The following CFAP74 variants were observed in gnomAD, a reference collection of about 807,000 sequenced individuals.
CFAP74 encodes the protein cilia- and flagella-associated protein 74.
In CFAP74, 124 loss-of-function variants were observed where a neutral mutation model predicts 188.9. The observed-to-expected ratio is 0.66, with a 90% confidence interval of 0.57 to 0.76. CFAP74 has a LOEUF of 0.76. Among genes scored for constraint, CFAP74 ranks in the 30% least tolerant of loss-of-function variants. CFAP74 has a pLI of 0.00. For synonymous variants in CFAP74, 956 were observed against 916.7 expected, an observed-to-expected ratio of 1.04 and a Z score of -0.77; for missense variants, 2,198 against 2,165.2, an observed-to-expected ratio of 1.02 and a Z score of -0.30.
chr1:1,977,342 C>T (rs552130401), intron 6 of CFAP74, among the ~76,000 whole-genome samples: 6 of 152,258 alleles, frequency 3.9e-5, no homozygotes, highest in Admixed American at 3.3e-4. Flanking sequence ...CACATCTGAG[C>T]GAGTGCCCCA....
chr1:1,923,065 C>T lies in CFAP74; in HGVS notation c.4603G>A (p.Asp1535Asn). 6.2e-7 allele frequency: 1 copy of T among 1,609,632 alleles called. No individual in the cohort carries two copies. Among genetic ancestry groups the T allele is most frequent in the Non-Finnish European group, 8.5e-7 (1 of 1,179,102 alleles). Reference protein sequence around the residue: ...ILVTLDYIQFDTDTPAPPATR... With the variant: ...ILVTLDYIQFNTDTPAPPATR... ...GCAGGTGGGGCTGGCGTGTCTGTGTCAAACTGGATGTAGTCCAGGGTCACC... is the reference window on the plus strand; with the variant it reads ...GCAGGTGGGGCTGGCGTGTCTGTGTTAAACTGGATGTAGTCCAGGGTCACC... Residue 1535 changes from aspartate (D) to asparagine (N), a missense_variant, in exon 37 of 39, where the codon GAC becomes AAC. By Grantham distance (23) the Asp-to-Asn change is conservative. Coordinates refer to ENST00000682832, the MANE Select transcript of CFAP74 (RefSeq NM_001304360.2). The surrounding 1 kb of genome is among the most constrained non-coding windows in gnomAD (Gnocchi z 6.3).
intron 9 of CFAP74, 133 bp from the exon 10 acceptor site, chr1:1,970,949 G>C (rs989864864): frequency 9.4e-7 from 1 of 1,060,956 alleles, no homozygotes; most frequent in Admixed American, 2.1e-5. Flanking sequence ...ATGCACACCT[G>C]CACATGCACA....
At chr1:1,969,933 C>T (rs548480267) in intron 10 of CFAP74, among the ~76,000 whole-genome samples, 7 of 152,216 alleles carry the variant, frequency 4.6e-5, no homozygotes, top group South Asian at 2.1e-4. Context: ...AGGGCAGCTT[C>T]GGGCAAAACC....
chr1:1,925,075 G>GGCATGAGGGCACACACTGGTGCGA (rs1651758241), intron 33 of CFAP74, among the ~76,000 whole-genome samples: 1 of 142,886 alleles, frequency 7.0e-6, no homozygotes, highest in African/African-American at 2.6e-5. Flanking sequence ...CACTGGTGCG[G>GGCATGAGGGCACACACTGGTGCGA]AGGCATGAGG....
chr1:1,956,495 C>A lies in CFAP74; in HGVS notation c.2016+125G>T, dbSNP rs566517909. 1.6e-5 allele frequency: 19 copies of A among 1,177,042 alleles called. 1 individual carries two copies. The African/African-American group carries it at 2.7e-4, about 17-fold the overall frequency. The allele number at this position is 1,177,042 out of a possible 1,614,324, so 72.9% of individuals were successfully genotyped here. A position where few individuals can be genotyped will look rare whatever the true frequency, so the allele number is the denominator to read the frequency against. On this transcript the variant is annotated intron_variant, in intron 17 of 38. Transcript: ENST00000682832. ...GCTTAGGCTGATTTGAGGAGGCCCC[C>A]ACACTGCCCTCCTTCTCCCAGGCCC...
chr1:1,977,229 G>A (rs1322373777), intron 6 of CFAP74, among the ~76,000 whole-genome samples: 1 of 152,202 alleles, frequency 6.6e-6, no homozygotes, highest in Non-Finnish European at 1.5e-5. Flanking sequence ...TTGAGTTCCA[G>A]CAGACCAATT....
chr1:1,968,811 G>A lies in CFAP74; in HGVS notation c.1069C>T (p.Leu357Phe), dbSNP rs1413083487. 6.2e-7 allele frequency: 1 copy of A among 1,614,030 alleles called. No individual in the cohort carries two copies. The highest frequency in any genetic ancestry group is 1.7e-5 in the Admixed American group (1 of 60,010). ...CGACTGATGATCTCCTGCTTTCTGAGCTTCTGCTCCTCCTCAAAGGCCCTG... is the reference window on the plus strand; with the variant it reads ...CGACTGATGATCTCCTGCTTTCTGAACTTCTGCTCCTCCTCAAAGGCCCTG... ...QKRAFEEEQKLRKQEIISRIL... is the reference protein window; with the variant it reads ...QKRAFEEEQKFRKQEIISRIL... Residue 357 changes from leucine (L) to phenylalanine (F), a missense_variant, in exon 11 of 39, where the codon CTC (leucine) becomes TTC (phenylalanine). Physicochemically the swap from Leu to Phe is conservative, Grantham distance 22. Coordinates refer to ENST00000682832, the MANE Select transcript of CFAP74 (RefSeq NM_001304360.2). This position sits in a 1 kb window ranked among gnomAD's most constrained non-coding sequence, Gnocchi z 4.3.
Position 1,972,926 on chromosome 1 carries a change from G to A in CFAP74, c.785+11C>T, listed in dbSNP as rs1402851693. 1.3e-6 allele frequency: 2 copies of A among 1,586,022 alleles called. No homozygotes were observed. The highest frequency in any genetic ancestry group is 1.7e-6 in the Non-Finnish European group (2 of 1,154,680). ...GGGTTTCTCCTTAAGGACGTCGAAG[G>A]GAGGCCCTACCTTCCCAGGGAGGCC... On this transcript the variant is annotated intron_variant, in intron 8 of 38. Coordinates refer to ENST00000682832, the MANE Select transcript of CFAP74 (RefSeq NM_001304360.2).
At position 1,923,677 on chromosome 1, in the gene CFAP74, A is replaced by AGGG. The variant is rs1410725512; in HGVS notation, c.4389+97_4389+98insCCC. On this transcript the variant is annotated intron_variant, in intron 35 of 38. Coordinates refer to ENST00000682832, the MANE Select transcript of CFAP74 (RefSeq NM_001304360.2). This position sits in a 1 kb window ranked among gnomAD's most constrained non-coding sequence, Gnocchi z 6.3. ...TGGTGCTGAGTCCCCCAGCCATGGTACCCTCAGGGCCTCCAAAGTGGAGCA... is the reference window on the plus strand; with the variant it reads ...TGGTGCTGAGTCCCCCAGCCATGGTAGGGCCCTCAGGGCCTCCAAAGTGGAGCA... The AGGG allele has an allele frequency of 4.5e-6, 7 of 1,569,518 alleles. No individual in the cohort carries two copies. The highest frequency in any genetic ancestry group is 2.7e-5 in the African/African-American group (2 of 73,648).
intron 6 of CFAP74, among the ~76,000 whole-genome samples, chr1:1,980,474 C>T (rs1422476255): frequency 2.7e-5 from 4 of 146,576 alleles, no homozygotes; most frequent in African/African-American, 5.2e-5. Flanking sequence ...TCTAAGCCAC[C>T]GGCACAGATC....
intron 8 of CFAP74, among the ~76,000 whole-genome samples, 159 bp downstream of exon 8, chr1:1,972,778 G>A (rs958730411): frequency 6.6e-5 from 10 of 152,214 alleles, no homozygotes; most frequent in Admixed American, 2.6e-4. Flanking sequence ...CCCGGGAGGC[G>A]GAGCAGTGAG....
At chr1:1,959,529 G>A (rs889703277) in intron 15 of CFAP74, among the ~76,000 whole-genome samples, 1 of 152,190 alleles carries the variant, frequency 6.6e-6, no homozygotes, top group Non-Finnish European at 1.5e-5. Flanking sequence ...GCCTCCCAAA[G>A]TGCTGGGATT....
In CFAP74 at chr1:1,923,255, G is replaced by A; in HGVS notation, c.4523-110C>T. 2 of 1,493,510 alleles carry A rather than the reference G, an allele frequency of 1.3e-6. No homozygotes were observed. Among genetic ancestry groups the A allele is most frequent in the South Asian group, 1.3e-5 (1 of 79,020 alleles). The allele number at this position is 1,493,510 out of a possible 1,614,324, so 92.5% of individuals were successfully genotyped here. ...GCAGTGGCTGTCCTGCTTGGCTCTG[G>A]GGTAGAAGGCTGGGAATCCCTGCCC... On this transcript the variant is annotated intron_variant, in intron 36 of 38. Coordinates refer to ENST00000682832, the MANE Select transcript of CFAP74 (RefSeq NM_001304360.2). This position sits in a 1 kb window ranked among gnomAD's most constrained non-coding sequence, Gnocchi z 6.3.
intron 18 of CFAP74, among the ~76,000 whole-genome samples, chr1:1,948,942 T>TCTTCCCTTC (rs879446867): frequency 2.9e-5 from 1 of 34,356 alleles, no homozygotes; most frequent in African/African-American, 6.9e-5. Context: ...TTTCCTCCCT[T>TCTTCCCTTC]CCTTTCCCTC....
chr1:1,963,997 T>C, intron 13 of CFAP74, 130 bp from the exon 14 acceptor site: 2 of 692,172 alleles, frequency 2.9e-6, no homozygotes, highest in Non-Finnish European at 2.6e-6. Context: ...CAGGGAACAA[T>C]TTCCAAGGTT....
At chr1:1,971,863 G>T in intron 9 of CFAP74, 117 bp downstream of exon 9, 1 of 753,568 alleles carries the variant, frequency 1.3e-6, no homozygotes, top group South Asian at 1.6e-5. Flanking sequence ...GTCACCAAGT[G>T]CGCGGGTCAG....
intron 18 of CFAP74, among the ~76,000 whole-genome samples, chr1:1,947,989 C>T (rs1268827876): frequency 1.3e-5 from 2 of 152,176 alleles, no homozygotes; most frequent in African/African-American, 2.4e-5. Context: ...TCTCCTGCCT[C>T]AGCCTTCCGA....
chr1:1,970,917 GTGCACACACGTGCACACACACA>G, intron 9 of CFAP74, 101 bp from the exon 10 acceptor site: 1 of 1,296,274 alleles, frequency 7.7e-7, no homozygotes, highest in Non-Finnish European at 1.1e-6. Context: ...ACATGCACAC[GTGCACACACGTGCACACACACA>G]TGCACACCTG....
chr1:1,986,819 TG>T, intron 5 of CFAP74, 117 bp downstream of exon 5: 1 of 783,182 alleles, frequency 1.3e-6, no homozygotes, highest in Non-Finnish European at 2.1e-6. Flanking sequence ...GGCCTCACAC[TG>T]GGGCTCCTCA....
Sources: allele counts gnomAD v4.1 joint callset (sites outside exome capture counted in the v4.1 genomes callset), GRCh38; gene constraint gnomAD v4.1.1; non-coding constraint Gnocchi (gnomAD v3.1); transcripts MANE v1.5; gene names NCBI Gene and HGNC (gene_info 2026-07-23, HGNC 2026-07-21).